The following FBXL5 variants were observed in gnomAD, a reference collection of about 807,000 sequenced individuals.
FBXL5 encodes the protein F-box/LRR-repeat protein 5.
Under a neutral mutation model 78.3 loss-of-function variants are expected in FBXL5, and 26 were observed. The ratio of observed to expected loss-of-function variants is 0.33; its 90% CI spans 0.24 to 0.46. The LOEUF (loss-of-function observed/expected upper bound fraction) is 0.46, where lower values mean the gene tolerates loss of function less well. Among genes scored for constraint, FBXL5 ranks in the 20% least tolerant of loss-of-function variants. The pLI, the probability that FBXL5 is intolerant of heterozygous loss-of-function variation, is 1.00. For synonymous variants in FBXL5, 295 were observed against 282.5 expected (o/e 1.04, Z -0.45); for missense variants, 710 against 829.2 (o/e 0.86, Z 1.77).
chr4:15,657,715 G>A (rs1033679807), upstream of FBXL5, among the ~76,000 whole-genome samples: 1 of 152,232 alleles, frequency 6.6e-6, no homozygotes, highest in Non-Finnish European at 1.5e-5. Flanking sequence ...GCTGAATTAT[G>A]TAGCAATTAA....
chr4:15,677,499 C>T (rs1050272490), intron 1 of FBXL5, among the ~76,000 whole-genome samples: 1 of 152,164 alleles, frequency 6.6e-6, no homozygotes, highest in African/African-American at 2.4e-5. Context: ...AGGATTAAAA[C>T]TTTTAGCCCA....
chr4:15,639,222 T>C (rs1249601077), intron 3 of FBXL5, among the ~76,000 whole-genome samples: 2 of 152,134 alleles, frequency 1.3e-5, no homozygotes, highest in Non-Finnish European at 2.9e-5. Context: ...AGCTAGTAAA[T>C]CAATCCAAAA....
Position 15,638,581 on chromosome 4 carries a change from A to C in FBXL5, c.510T>G (p.Gly170=). 3 of 1,612,418 alleles carry C rather than the reference A, an allele frequency of 1.9e-6. No homozygotes were observed. The highest frequency in any genetic ancestry group is 2.5e-6 in the Non-Finnish European group (3 of 1,179,398). ...CTTCAGCATGATTCCATAGGCTAAG[A>C]CCTCTAAGGAGTTCTGCAGTATCCT... ...SQKDTAELLR[G]LSLWNHAEER... The change falls in exon 4 of 11, where the codon GGT becomes GGG. Residue 170 remains glycine (G), a synonymous_variant. Transcript: ENST00000341285.
intron 5 of FBXL5, among the ~76,000 whole-genome samples, chr4:15,634,156 TATAA>T (rs1713982622): frequency 2.0e-5 from 3 of 152,188 alleles, no homozygotes; most frequent in Non-Finnish European, 4.4e-5. Context: ...AAGCACATAC[TATAA>T]ATAAATAAAA....
upstream of FBXL5, chr4:15,655,380 C>A: frequency 9.3e-7 from 1 of 1,080,312 alleles, no homozygotes; most frequent in Non-Finnish European, 1.1e-6. Flanking sequence ...CCCCCTTGCG[C>A]ATGCGCCCGC....
At chr4:15,609,998 T>C (rs1403883975) in intron 10 of FBXL5, among the ~76,000 whole-genome samples, 1 of 152,126 alleles carries the variant, frequency 6.6e-6, no homozygotes, top group Non-Finnish European at 1.5e-5. Flanking sequence ...TTAAAAAATA[T>C]ATTTTTAGCT....
intron 5 of FBXL5, among the ~76,000 whole-genome samples, chr4:15,634,255 G>C (rs1713996367): frequency 6.6e-6 from 1 of 152,022 alleles, no homozygotes; most frequent in African/African-American, 2.4e-5. Flanking sequence ...TGTGATCATG[G>C]CTCACTGCAG....
At chr4:15,679,259 C>CTACTAA (rs1169735596) in intron 1 of FBXL5, among the ~76,000 whole-genome samples, 1 of 152,040 alleles carries the variant, frequency 6.6e-6, no homozygotes, top group East Asian at 1.9e-4. Context: ...GACAGGGTTT[C>CTACTAA]ACCATGTTGG....
At position 15,675,034 on chromosome 4, in the gene FBXL5, G is replaced by A. The variant is rs1016276709; in HGVS notation, c.-284+6349C>T. 1.0e-4 allele frequency among the ~76,000 whole-genome samples: 15 copies of A among 149,526 alleles called. No individual in the cohort carries two copies. In the East Asian group the frequency reaches 2.5e-3, roughly 25 times the overall value. ...TTCCCATCAGTTCACTAGGAATCAC[G>A]AAAAAAAAAGCAGTGGGCCTGCCAC... On this transcript the variant is annotated intron_variant, in intron 1 of 4. Coordinates refer to the FBXL5 transcript ENST00000507899.
chr4:15,647,052 A>C (rs1170950591), intron 1 of FBXL5, among the ~76,000 whole-genome samples: 6 of 151,452 alleles, frequency 4.0e-5, no homozygotes, highest in Non-Finnish European at 8.8e-5. Context: ...GTGAAACCCC[A>C]TCTCTACTAA....
upstream of FBXL5, among the ~76,000 whole-genome samples, chr4:15,658,375 T>A (rs1419385838): frequency 1.3e-5 from 2 of 152,240 alleles, no homozygotes; most frequent in Admixed American, 1.3e-4. Flanking sequence ...TTGTCCTTTC[T>A]AAAACTCATG....
intron 5 of FBXL5, among the ~76,000 whole-genome samples, chr4:15,634,434 C>T (rs908182646): frequency 2.6e-5 from 4 of 151,892 alleles, no homozygotes; most frequent in African/African-American, 4.8e-5. Context: ...TGGCACATCT[C>T]AGCTCACTGC....
chr4:15,656,088 A>T (rs1716906046), upstream of FBXL5: 1 of 435,676 alleles, frequency 2.3e-6, no homozygotes, highest in South Asian at 1.6e-5. Context: ...CCTCAAGTGC[A>T]GGAACGCGGG....
At chr4:15,621,457 C>G (rs539224206) in intron 9 of FBXL5, among the ~76,000 whole-genome samples, 1 of 152,076 alleles carries the variant, frequency 6.6e-6, no homozygotes, top group African/African-American at 2.4e-5. Flanking sequence ...TATTTATATG[C>G]CAACATTCAT....
chr4:15,641,354 C>T (rs974043600), intron 2 of FBXL5, among the ~76,000 whole-genome samples: 5 of 152,086 alleles, frequency 3.3e-5, no homozygotes, highest in Non-Finnish European at 5.9e-5. Context: ...CTGCCTCTCC[C>T]ACCCCTGCAA....
intron 9 of FBXL5, among the ~76,000 whole-genome samples, chr4:15,622,566 A>C (rs1252357534): frequency 6.6e-6 from 1 of 152,050 alleles, no homozygotes; most frequent in Non-Finnish European, 1.5e-5. Flanking sequence ...AAGTACCCAT[A>C]CTTTACTTTT....
chr4:15,605,099 G>A lies in FBXL5; in HGVS notation c.*624C>T, dbSNP rs1721796167. On this transcript the variant is annotated 3_prime_UTR_variant, in exon 11 of 11. Transcript: ENST00000341285. ...AATCTCTCCCAAATTTGATGACATA[G>A]GGACAGTGGTGAGAACAAAGTATCC... The A allele has an allele frequency of 6.6e-6, 1 of 152,582 alleles. No individual in the cohort carries two copies. The highest frequency in any genetic ancestry group is 2.4e-5 in the African/African-American group (1 of 41,430). The allele number at this position is 152,582 out of a possible 1,614,324, so 9.5% of individuals were successfully genotyped here.
intron 5 of FBXL5, among the ~76,000 whole-genome samples, chr4:15,633,999 G>A (rs544110124): frequency 2.6e-5 from 4 of 152,192 alleles, no homozygotes; most frequent in Admixed American, 6.5e-5. Flanking sequence ...GTGCTGTCCT[G>A]TGGATTATAG....
upstream of FBXL5, chr4:15,656,388 T>TTGG: frequency 2.3e-6 from 1 of 430,106 alleles, no homozygotes; most frequent in South Asian, 1.6e-5. Flanking sequence ...CCTGAGAACC[T>TTGG]TGGGAGGAAT....
Sources: allele counts gnomAD v4.1 joint callset (sites outside exome capture counted in the v4.1 genomes callset), GRCh38; gene constraint gnomAD v4.1.1; transcripts MANE v1.5; gene names NCBI Gene and HGNC (gene_info 2026-07-23, HGNC 2026-07-21).